Variants in TERF2IP observed in about 807,000 individuals in gnomAD.
The protein encoded by TERF2IP is telomeric repeat-binding factor 2-interacting protein 1.
TERF2IP carries 35 observed loss-of-function variants against 33.3 expected under a neutral mutation model. That is an observed-to-expected ratio of 1.05 (90% CI 0.80 to 1.39). TERF2IP has a LOEUF of 1.39. Among genes scored for constraint, TERF2IP ranks in the 40% most tolerant of loss-of-function variants. TERF2IP has a pLI of 0.00. For synonymous variants in TERF2IP, 253 were observed against 223.2 expected, an observed-to-expected ratio of 1.13 and a Z score of -1.19; for missense variants, 583 against 524.8, an observed-to-expected ratio of 1.11 and a Z score of -1.08.
At chr16:75,648,671 G>A in intron 1 of TERF2IP, 119 bp downstream of exon 1, 1 of 1,434,108 alleles carries the variant, frequency 7.0e-7, no homozygotes, top group Non-Finnish European at 9.1e-7. Flanking sequence ...CCCGCCCCCT[G>A]TTGACATCCG....
In TERF2IP at chr16:75,648,170, G is replaced by A. The variant is rs1435138463; in HGVS notation, c.288G>A (p.Leu96=). 6.4e-7 allele frequency: 1 copy of A among 1,565,406 alleles called. No individual in the cohort carries two copies. The highest frequency in any genetic ancestry group is 2.0e-4 in the Middle Eastern group (1 of 5,068). Residue 96 remains leucine, a synonymous_variant, in exon 1 of 3, where the codon CTG becomes CTA. Coordinates refer to ENST00000300086, the MANE Select transcript of TERF2IP (RefSeq NM_018975.4). ...DCVERNERLE[L]EAYRLGPASA... is the part of the protein sequence containing the mutation. ...TGGAGCGCAACGAGAGGCTGGAGCT[G>A]GAGGCCTATCGGCTGGGCCCCGCCT...
intron 2 of TERF2IP, among the ~76,000 whole-genome samples, chr16:75,655,055 C>T (rs1257050167): frequency 1.3e-5 from 2 of 152,164 alleles, no homozygotes; most frequent in Non-Finnish European, 2.9e-5. Context: ...CTCACTCTGT[C>T]ACCCAGGCTG....
chr16:75,648,585 T>C (rs1228792096), intron 1 of TERF2IP, 33 bp downstream of exon 1: 2 of 1,497,478 alleles, frequency 1.3e-6, no homozygotes, highest in Non-Finnish European at 1.8e-6. Flanking sequence ...CTCGCGGATA[T>C]CTGCGCGGGT....
chr16:75,648,754 T>G (rs533778117), intron 1 of TERF2IP: 1 of 1,393,082 alleles, frequency 7.2e-7, no homozygotes, highest in South Asian at 1.6e-5. Context: ...GCGATGGGTC[T>G]CTGTTACCTA....
At chr16:75,652,353 T>C (rs1465471952) in intron 1 of TERF2IP, among the ~76,000 whole-genome samples, 9 of 152,258 alleles carry the variant, frequency 5.9e-5, no homozygotes, top group Admixed American at 2.6e-4. Context: ...TCTTTTCTAA[T>C]TGATTGCACT....
chr16:75,655,928 G>A (rs1597189735), intron 2 of TERF2IP, among the ~76,000 whole-genome samples: 1 of 151,714 alleles, frequency 6.6e-6, no homozygotes. Context: ...TATTCTATTG[G>A]AATACTATAG....
chr16:75,654,540 G>C, intron 2 of TERF2IP, 143 bp downstream of exon 2: 1 of 885,952 alleles, frequency 1.1e-6, no homozygotes, highest in Non-Finnish European at 1.6e-6. Flanking sequence ...ATGGAAAATG[G>C]GACTGATCTG....
chr16:75,654,200 T>A, intron 1 of TERF2IP, 73 bp from the exon 2 acceptor site: 7 of 1,099,850 alleles, frequency 6.4e-6, no homozygotes, highest in Non-Finnish European at 8.7e-6. Flanking sequence ...GGCCCAGAGC[T>A]CACACAGCAA....
chr16:75,655,582 A>G (rs1269178485), intron 2 of TERF2IP, among the ~76,000 whole-genome samples: 1 of 152,202 alleles, frequency 6.6e-6, no homozygotes, highest in Non-Finnish European at 1.5e-5. Context: ...ATTATTTGAT[A>G]TTTGGTTCAT....
chr16:75,656,485 A>T lies in TERF2IP; in HGVS notation c.1074A>T (p.Gly358=), dbSNP rs1454913996. Reference sequence around the variant, plus strand: ...TAGCGTCTGGTCAGAGAGCTGATGGATATCCCATTTGGTCCCGACAAGATG... The same window carrying T: ...TAGCGTCTGGTCAGAGAGCTGATGGTTATCCCATTTGGTCCCGACAAGATG... ...AFLASGQRAD[G]YPIWSRQDDI... is the part of the protein sequence containing the mutation. Residue 358 remains glycine (G), a synonymous_variant, in exon 3 of 3, where the codon GGA becomes GGT. Transcript: ENST00000300086. The T allele has an allele frequency of 1.1e-5, 18 of 1,614,220 alleles. No homozygotes were observed. Among genetic ancestry groups the T allele is most frequent in the Non-Finnish European group, 1.4e-5 (17 of 1,180,042 alleles).
At chr16:75,649,370 G>A (rs1384968520) in intron 1 of TERF2IP, among the ~76,000 whole-genome samples, 4 of 152,050 alleles carry the variant, frequency 2.6e-5, no homozygotes, top group Non-Finnish European at 5.9e-5. Context: ...ATGGCGAAAT[G>A]CCGCCCCTAC....
At chr16:75,650,668 T>G (rs751453421) in intron 1 of TERF2IP, among the ~76,000 whole-genome samples, 1 of 152,164 alleles carries the variant, frequency 6.6e-6, no homozygotes, top group African/African-American at 2.4e-5. Context: ...TCCAAGTAGC[T>G]GGGACTACAG....
At chr16:75,650,170 A>T (rs1396405711) in intron 1 of TERF2IP, among the ~76,000 whole-genome samples, 3 of 152,220 alleles carry the variant, frequency 2.0e-5, no homozygotes, top group Non-Finnish European at 4.4e-5. Context: ...AGCTTATAAC[A>T]TGCTAGCTGG....
chr16:75,652,013 A>G (rs2082351287), intron 1 of TERF2IP, among the ~76,000 whole-genome samples: 1 of 152,144 alleles, frequency 6.6e-6, no homozygotes, highest in Non-Finnish European at 1.5e-5. Flanking sequence ...AATTGATACA[A>G]TTTCTTTGGG....
chr16:75,653,694 C>T (rs1237892108), intron 1 of TERF2IP, among the ~76,000 whole-genome samples: 1 of 152,146 alleles, frequency 6.6e-6, no homozygotes, highest in Non-Finnish European at 1.5e-5. Flanking sequence ...CTTAGGGCTG[C>T]CACCATCCAG....
rs2082389744 is a variant in TERF2IP at position 75,656,674 on chromosome 16, C to G, written c.*63C>G. 1.4e-6 allele frequency: 2 copies of G among 1,468,740 alleles called. No individual in the cohort carries two copies. The highest frequency in any genetic ancestry group is 2.2e-5 in the Admixed American group (1 of 45,400). The allele number at this position is 1,468,740 out of a possible 1,614,324, so 91.0% of individuals were successfully genotyped here. A position where few individuals can be genotyped will look rare whatever the true frequency, so the allele number is the denominator to read the frequency against. ...GTGAGGTGGTTAAAAAAAATTGTGACCAATGAACTTTAGAGAGTTCTTGCA... is the reference window on the plus strand; with the variant it reads ...GTGAGGTGGTTAAAAAAAATTGTGAGCAATGAACTTTAGAGAGTTCTTGCA... On this transcript the variant is annotated 3_prime_UTR_variant, in exon 3 of 3. Coordinates refer to ENST00000300086, the MANE Select transcript of TERF2IP (RefSeq NM_018975.4).
At chr16:75,650,180 G>T (rs1457126874) in intron 1 of TERF2IP, among the ~76,000 whole-genome samples, 1 of 152,198 alleles carries the variant, frequency 6.6e-6, no homozygotes, top group Non-Finnish European at 1.5e-5. Context: ...ATGCTAGCTG[G>T]GGAGTGGTAA....
chr16:75,655,871 C>T (rs905527226), intron 2 of TERF2IP, among the ~76,000 whole-genome samples: 6 of 151,714 alleles, frequency 4.0e-5, no homozygotes, highest in Non-Finnish European at 7.4e-5. Context: ...ATATGTGTCT[C>T]TCTCTTTATA....
intron 2 of TERF2IP, 82 bp from the exon 3 acceptor site, chr16:75,656,125 G>T: frequency 2.9e-6 from 4 of 1,363,496 alleles, no homozygotes; most frequent in Non-Finnish European, 4.0e-6. Flanking sequence ...AGGGCAAGGG[G>T]GTGATAGTTG....
Sources: gnomAD v4.1 joint callset for allele counts (sites outside exome capture counted in the v4.1 genomes callset) on GRCh38, gnomAD v4.1.1 for gene constraint, MANE v1.5 for transcripts, NCBI Gene and HGNC (gene_info 2026-07-23, HGNC 2026-07-21) for gene names.